Variants in TRABD2B observed in about 807,000 individuals in gnomAD.
TRABD2B encodes the protein metalloprotease TIKI2.
A neutral mutation model predicts 40.1 loss-of-function variants in TRABD2B; 14 were observed. That is an observed-to-expected ratio of 0.35 (90% CI 0.23 to 0.55). TRABD2B has a LOEUF of 0.55. Ranked by LOEUF, TRABD2B falls within the 20% of genes least tolerant of loss-of-function variation. TRABD2B has a pLI of 0.90. For missense variants in TRABD2B, 541 were observed against 648.6 expected, an observed-to-expected ratio of 0.83 and a Z score of 1.80; for synonymous variants, 263 against 277.0, an observed-to-expected ratio of 0.95 and a Z score of 0.50.
intron 2 of TRABD2B, among the ~76,000 whole-genome samples, chr1:47,900,081 C>T (rs1167269456): frequency 6.6e-6 from 1 of 152,204 alleles, no homozygotes; most frequent in Non-Finnish European, 1.5e-5. Flanking sequence ...CACCCACCCC[C>T]AAGGACCTCC....
intron 2 of TRABD2B, among the ~76,000 whole-genome samples, chr1:47,968,815 G>A (rs147353801): frequency 8.0e-4 from 122 of 152,190 alleles, no homozygotes; most frequent in Non-Finnish European, 1.5e-3. Context: ...CTATCTATCT[G>A]TCCTCACTAG....
At chr1:47,867,588 T>G (rs963578152) in intron 2 of TRABD2B, among the ~76,000 whole-genome samples, 2 of 152,052 alleles carry the variant, frequency 1.3e-5, no homozygotes, top group African/African-American at 4.8e-5. Context: ...ACATCAGAAG[T>G]GTAAAATTGT....
intron 4 of TRABD2B, among the ~76,000 whole-genome samples, chr1:47,790,240 G>T (rs1025946726): frequency 6.6e-6 from 1 of 152,154 alleles, no homozygotes; most frequent in Non-Finnish European, 1.5e-5. Flanking sequence ...AATCTTGGGG[G>T]GCTCTTGAGG....
intron 2 of TRABD2B, among the ~76,000 whole-genome samples, chr1:47,989,438 A>G (rs973970722): frequency 7.2e-5 from 11 of 152,316 alleles, no homozygotes; most frequent in African/African-American, 2.4e-4. Context: ...GTTACTCAGC[A>G]CTTACTAATA....
chr1:47,843,067 A>G (rs935586461), intron 2 of TRABD2B, among the ~76,000 whole-genome samples: 12 of 152,152 alleles, frequency 7.9e-5, no homozygotes, highest in African/African-American at 2.4e-4. Context: ...TGGCTGCTGT[A>G]TAGTGAAAGG....
At chr1:47,795,817 T>C (rs7528561) in intron 3 of TRABD2B, 205,556 of 554,976 alleles carry the variant, frequency 0.37, 39,422 homozygotes, top group Non-Finnish European at 0.39. Flanking sequence ...CCTTTTTGAA[T>C]ACCTCAACCC....
At chr1:47,962,293 C>T (rs1275635903) in intron 2 of TRABD2B, among the ~76,000 whole-genome samples, 2 of 152,114 alleles carry the variant, frequency 1.3e-5, no homozygotes, top group Non-Finnish European at 2.9e-5. Flanking sequence ...AGCACAACAA[C>T]GTGGTACATG....
intron 2 of TRABD2B, among the ~76,000 whole-genome samples, chr1:47,821,025 G>A (rs1350572499): frequency 1.3e-5 from 2 of 152,122 alleles, no homozygotes; most frequent in Admixed American, 6.5e-5. Flanking sequence ...TCTGTGTATC[G>A]TGATGGTGCC....
chr1:47,986,509 A>T (rs550684778), intron 2 of TRABD2B, among the ~76,000 whole-genome samples: 1 of 152,248 alleles, frequency 6.6e-6, no homozygotes, highest in African/African-American at 2.4e-5. Context: ...AACAAAATAT[A>T]TAAGTGCTGA....
intron 2 of TRABD2B, among the ~76,000 whole-genome samples, chr1:47,981,717 T>A (rs2148443438): frequency 6.6e-6 from 1 of 152,308 alleles, no homozygotes; most frequent in South Asian, 2.1e-4. Context: ...AGTTTAATAA[T>A]AACTAATTCA....
chr1:47,778,237 C>T (rs1165026076), intron 5 of TRABD2B, among the ~76,000 whole-genome samples: 1 of 152,226 alleles, frequency 6.6e-6, no homozygotes, highest in Non-Finnish European at 1.5e-5. Flanking sequence ...CTTAACGCTG[C>T]TCTCACTCCC....
Position 47,996,835 on chromosome 1 carries a change from C to G in TRABD2B, c.-46G>C. ...GCGGGGGACCCTCCTGGGCGGCGCC[C>G]CTCAGCGGGGCGGGGAGCCCCCAGT... On this transcript the variant is annotated 5_prime_UTR_variant, in exon 1 of 7. Transcript: ENST00000606738. This position sits in a 1 kb window ranked among gnomAD's most constrained non-coding sequence, Gnocchi z 4.6. 1.7e-6 allele frequency: 2 copies of G among 1,167,630 alleles called. No individual in the cohort carries two copies. 72.3% of individuals were successfully genotyped at this position (1,167,630 alleles called of 1,614,324 possible).
intron 2 of TRABD2B, among the ~76,000 whole-genome samples, chr1:47,811,986 G>A (rs770888185): frequency 1.3e-5 from 2 of 152,192 alleles, no homozygotes; most frequent in Non-Finnish European, 2.9e-5. Context: ...GCCCTGTGAG[G>A]ACAGCATTAT....
rs1014288610 is a variant in TRABD2B at position 47,996,583 on chromosome 1, G to C, written c.102+105C>G. On this transcript the variant is annotated intron_variant, in intron 1 of 6. Coordinates refer to ENST00000606738, the MANE Select transcript of TRABD2B (RefSeq NM_001194986.2). The surrounding 1 kb of genome is among the most constrained non-coding windows in gnomAD (Gnocchi z 4.6). ...AGGCTGCGCCCGGGGGGTGGAGGTG[G>C]AGCGGGCGGGCTAAGGTGGGTGCGG... 3 of 1,152,060 alleles carry C rather than the reference G, an allele frequency of 2.6e-6. No individual in the cohort carries two copies. The highest frequency in any genetic ancestry group is 3.2e-6 in the Non-Finnish European group (3 of 929,772). The allele number at this position is 1,152,060 out of a possible 1,614,324, so 71.4% of individuals were successfully genotyped here. A position where few individuals can be genotyped will look rare whatever the true frequency, so the allele number is the denominator to read the frequency against.
chr1:47,960,152 C>T (rs890473842), intron 2 of TRABD2B, among the ~76,000 whole-genome samples: 1 of 152,126 alleles, frequency 6.6e-6, no homozygotes, highest in Non-Finnish European at 1.5e-5. Flanking sequence ...AGGCCTTCAA[C>T]AAAATGCAAC....
At chr1:47,852,457 C>T (rs140921292) in intron 2 of TRABD2B, among the ~76,000 whole-genome samples, 2 of 152,298 alleles carry the variant, frequency 1.3e-5, no homozygotes, top group East Asian at 1.9e-4. Flanking sequence ...GATGTGAGCC[C>T]GTTTCAGAGA....
In TRABD2B at chr1:47,996,981, T is replaced by C; in HGVS notation, c.-192A>G. On this transcript the variant is annotated 5_prime_UTR_variant, in exon 1 of 7. Coordinates refer to ENST00000606738, the MANE Select transcript of TRABD2B (RefSeq NM_001194986.2). The surrounding 1 kb of genome is among the most constrained non-coding windows in gnomAD (Gnocchi z 4.6). Reference sequence around the variant, plus strand: ...TTCTCTGGGGCCGGGCTCCGTCTGTTGGAAGAGGGAGACCCTCTAGGGCTG... The same window carrying C: ...TTCTCTGGGGCCGGGCTCCGTCTGTCGGAAGAGGGAGACCCTCTAGGGCTG... The C allele has an allele frequency of 9.1e-7, 1 of 1,096,974 alleles. No individual in the cohort carries two copies. The highest frequency in any genetic ancestry group is 1.1e-6 in the Non-Finnish European group (1 of 903,466). 68.0% of individuals were successfully genotyped at this position (1,096,974 alleles called of 1,614,324 possible). A position where few individuals can be genotyped will look rare whatever the true frequency, so the allele number is the denominator to read the frequency against.
intron 2 of TRABD2B, among the ~76,000 whole-genome samples, chr1:47,856,589 C>T (rs905858319): frequency 1.3e-5 from 2 of 152,182 alleles, no homozygotes; most frequent in Non-Finnish European, 2.9e-5. Context: ...CTTAGAGAGG[C>T]TCAGAGTTTT....
chr1:47,990,252 T>C (rs1232447893), intron 2 of TRABD2B, among the ~76,000 whole-genome samples: 1 of 152,232 alleles, frequency 6.6e-6, no homozygotes, highest in East Asian at 1.9e-4. Context: ...CATGTAACTT[T>C]GAGGTCTCAT....
Sources: allele counts gnomAD v4.1 joint callset (sites outside exome capture counted in the v4.1 genomes callset), GRCh38; gene constraint gnomAD v4.1.1; non-coding constraint Gnocchi (gnomAD v3.1); transcripts MANE v1.5; gene names NCBI Gene and HGNC (gene_info 2026-07-23, HGNC 2026-07-21).